The following OSBPL8 variants were observed in gnomAD, a reference collection of about 807,000 sequenced individuals.
The protein encoded by OSBPL8 is oxysterol binding protein like 8, also known as oxysterol-binding protein-related protein 8.
Under a neutral mutation model 125.5 loss-of-function variants are expected in OSBPL8, and 59 were observed. The observed-to-expected ratio is 0.47, with a 90% CI of 0.38 to 0.58. The LOEUF (loss-of-function observed/expected upper bound fraction) is 0.58. OSBPL8 is among the 20% of genes least tolerant of loss of function. The probability of loss-of-function intolerance (pLI) is 0.00; values close to 1 mark genes in which losing one functional copy is unlikely to be tolerated. For synonymous variants in OSBPL8, 330 were observed against 338.9 expected, an observed-to-expected ratio of 0.97 and a Z score of 0.29; for missense variants, 758 against 1,047.8, an observed-to-expected ratio of 0.72 and a Z score of 3.82.
intron 1 of OSBPL8, among the ~76,000 whole-genome samples, chr12:76,508,980 T>G (rs12811177): frequency 1.3e-5 from 2 of 152,080 alleles, no homozygotes; most frequent in Non-Finnish European, 2.9e-5. Flanking sequence ...CTTTACTTTC[T>G]TAATAAACTT....
chr12:76,508,904 CAAT>C (rs1880695986), intron 1 of OSBPL8, among the ~76,000 whole-genome samples: 1 of 152,180 alleles, frequency 6.6e-6, no homozygotes, highest in Admixed American at 6.5e-5. Context: ...CAAGAAGTAA[CAAT>C]AAGTATAAGT....
chr12:76,448,535 G>A (rs995643169), intron 4 of OSBPL8, among the ~76,000 whole-genome samples: 4 of 152,074 alleles, frequency 2.6e-5, no homozygotes, highest in East Asian at 1.9e-4. Flanking sequence ...ATCATATATC[G>A]TTTTTCAGGT....
At chr12:76,506,654 A>G (rs1181378094) in intron 1 of OSBPL8, among the ~76,000 whole-genome samples, 1 of 152,228 alleles carries the variant, frequency 6.6e-6, no homozygotes, top group Admixed American at 6.5e-5. Context: ...TAAAAAAGGA[A>G]GCAAGATGAC....
chr12:76,389,078 G>A (rs981561467), intron 12 of OSBPL8, among the ~76,000 whole-genome samples: 1 of 152,068 alleles, frequency 6.6e-6, no homozygotes, highest in African/African-American at 2.4e-5. Flanking sequence ...GAAATTGCTG[G>A]GACAGAGGTG....
In OSBPL8 at chr12:76,390,302, A is replaced by G; in HGVS notation, c.1167+118T>C. ...ATTTCATATGTATGCAATTTTTAAAATATCACATTCTATCACAGAAAAATA... is the reference window on the plus strand; with the variant it reads ...ATTTCATATGTATGCAATTTTTAAAGTATCACATTCTATCACAGAAAAATA... On this transcript the variant is annotated intron_variant, in intron 11 of 23. Transcript: ENST00000261183. 4.0e-6 allele frequency: 3 copies of G among 745,990 alleles called. No individual in the cohort carries two copies. The East Asian group carries it at 7.6e-5, about 19-fold the overall frequency. 46.2% of individuals were successfully genotyped at this position (745,990 alleles called of 1,614,324 possible).
chr12:76,495,805 C>A (rs147497614), intron 1 of OSBPL8, among the ~76,000 whole-genome samples: 19 of 152,162 alleles, frequency 1.2e-4, no homozygotes, highest in Non-Finnish European at 2.4e-4. Flanking sequence ...TAAAAGAGTT[C>A]TTTTCAGTCT....
chr12:76,460,921 G>A (rs1255748598), intron 2 of OSBPL8, among the ~76,000 whole-genome samples: 1 of 152,164 alleles, frequency 6.6e-6, no homozygotes, highest in Non-Finnish European at 1.5e-5. Flanking sequence ...GCAGTTGTTT[G>A]CTTTGGGCTT....
At chr12:76,394,993 A>G (rs1305258995) in intron 8 of OSBPL8, among the ~76,000 whole-genome samples, 1 of 152,180 alleles carries the variant, frequency 6.6e-6, no homozygotes, top group Admixed American at 6.5e-5. Context: ...CATACTAAAG[A>G]GAACCTAAAG....
intron 4 of OSBPL8, among the ~76,000 whole-genome samples, chr12:76,429,666 A>T (rs1870579151): frequency 1.3e-5 from 2 of 152,156 alleles, no homozygotes; most frequent in Admixed American, 6.5e-5. Context: ...ATAAATTCAA[A>T]CAACAATGTG....
intron 21 of OSBPL8, among the ~76,000 whole-genome samples, chr12:76,368,474 A>G (rs1952503136): frequency 6.6e-6 from 1 of 152,066 alleles, no homozygotes; most frequent in African/African-American, 2.4e-5. Context: ...CTTTCCTTAA[A>G]TATTCTTCAT....
chr12:76,468,531 A>G (rs1158524554), intron 2 of OSBPL8, among the ~76,000 whole-genome samples: 1 of 152,104 alleles, frequency 6.6e-6, no homozygotes, highest in Non-Finnish European at 1.5e-5. Flanking sequence ...AATTTTGTCT[A>G]TTTTGTTCAC....
chr12:76,528,739 G>GC (rs1352263226), intron 1 of OSBPL8, among the ~76,000 whole-genome samples: 1 of 152,022 alleles, frequency 6.6e-6, no homozygotes, highest in Non-Finnish European at 1.5e-5. Flanking sequence ...GCTACAGACA[G>GC]CTACTAGGGA....
At chr12:76,533,544 G>A (rs1006821397) in intron 1 of OSBPL8, among the ~76,000 whole-genome samples, 1 of 152,144 alleles carries the variant, frequency 6.6e-6, no homozygotes, top group African/African-American at 2.4e-5. Context: ...GTCTTTATGA[G>A]GCAAACACAG....
At chr12:76,366,230 T>C (rs1952409179) in intron 21 of OSBPL8, among the ~76,000 whole-genome samples, 1 of 152,214 alleles carries the variant, frequency 6.6e-6, no homozygotes, top group Non-Finnish European at 1.5e-5. Flanking sequence ...TGGAGGTTTT[T>C]GGTTACTGAT....
chr12:76,416,335 G>A (rs1868662122), intron 4 of OSBPL8, among the ~76,000 whole-genome samples: 1 of 151,952 alleles, frequency 6.6e-6, no homozygotes, highest in Admixed American at 6.6e-5. Context: ...CAGCATATGA[G>A]CAATTTTTAT....
chr12:76,405,377 C>A (rs1451979299), intron 5 of OSBPL8, among the ~76,000 whole-genome samples: 1 of 151,992 alleles, frequency 6.6e-6, no homozygotes, highest in African/African-American at 2.4e-5. Context: ...GAGAATCACC[C>A]GAGCCTAGGA....
At chr12:76,524,097 G>GA (rs1238176676) in intron 1 of OSBPL8, among the ~76,000 whole-genome samples, 11 of 152,034 alleles carry the variant, frequency 7.2e-5, no homozygotes, top group African/African-American at 2.2e-4. Context: ...GAAGGAAAGA[G>GA]AAAAAATGGC....
At chr12:76,422,656 T>A (rs1869643416) in intron 4 of OSBPL8, 1 of 456,198 alleles carries the variant, frequency 2.2e-6, no homozygotes, top group South Asian at 1.6e-5. Context: ...CTTTCATAGC[T>A]CAGAAGGTCT....
At chr12:76,557,456 A>T (rs1951140183) in intron 1 of OSBPL8, among the ~76,000 whole-genome samples, 1 of 151,962 alleles carries the variant, frequency 6.6e-6, no homozygotes, top group Non-Finnish European at 1.5e-5. Context: ...CTCTAATAAA[A>T]ATACAAAAAT....
Sources: allele counts gnomAD v4.1 joint callset (sites outside exome capture counted in the v4.1 genomes callset), GRCh38; gene constraint gnomAD v4.1.1; transcripts MANE v1.5; gene names NCBI Gene and HGNC (gene_info 2026-07-23, HGNC 2026-07-21).